IL13RA1: variants seen among roughly 807,000 people sequenced by gnomAD.
The protein encoded by IL13RA1 is interleukin-13 receptor subunit alpha-1.
Under a neutral mutation model 33.8 loss-of-function variants are expected in IL13RA1, and 14 were observed. That is an observed-to-expected ratio of 0.41 (90% CI 0.27 to 0.65). The LOEUF (loss-of-function observed/expected upper bound fraction) is 0.65, where lower values mean the gene tolerates loss of function less well. Among genes scored for constraint, IL13RA1 ranks in the 30% least tolerant of loss-of-function variants. The probability of loss-of-function intolerance (pLI) is 0.28; values close to 1 mark genes in which losing one functional copy is unlikely to be tolerated. For missense variants in IL13RA1, 313 were observed against 327.0 expected, an observed-to-expected ratio of 0.96 and a Z score of 0.33; for synonymous variants, 116 against 115.7, an observed-to-expected ratio of 1.00 and a Z score of -0.02.
chrX:118,796,879 C>T (rs112727959), downstream of IL13RA1, among the ~76,000 whole-genome samples: 285 of 112,594 alleles, frequency 2.5e-3, 2 homozygotes, highest in South Asian at 9.5e-3. Flanking sequence ...CATTTATCTA[C>T]GAGCTAGACA....
chrX:118,798,120 A>G (rs111436018), downstream of IL13RA1, among the ~76,000 whole-genome samples: 5,393 of 111,843 alleles, frequency 0.048, 308 homozygotes, highest in African/African-American at 0.16. Context: ...TTTCTTCTGT[A>G]GAAGATGAGG....
rs2017998490 is a variant in IL13RA1 at position 118,793,407 on chromosome X, C to A, written c.*1553C>A. On this transcript the variant is annotated 3_prime_UTR_variant, in exon 11 of 11. Transcript: ENST00000371666. ...AAGATGGGTCCAGGATTCCTCTTTT[C>A]TCTGCCATAAATGATTAATTAAATA... The A allele has an allele frequency of 8.9e-6, 1 of 112,059 alleles. No homozygotes were observed. Among genetic ancestry groups the A allele is most frequent in the Non-Finnish European group, 1.9e-5 (1 of 53,204 alleles). The allele number at this position is 112,059 out of a possible 1,213,427, so 9.2% of individuals were successfully genotyped here. A position where few individuals can be genotyped will look rare whatever the true frequency, so the allele number is the denominator to read the frequency against.
At chrX:118,794,831 A>G (rs1327152981), downstream of IL13RA1, among the ~76,000 whole-genome samples, 1 of 111,884 alleles carries the variant, frequency 8.9e-6, no homozygotes, top group Non-Finnish European at 1.9e-5. Context: ...CCTTTCTAAT[A>G]TTAAGCTAAA....
intron 1 of IL13RA1, among the ~76,000 whole-genome samples, chrX:118,736,330 TTG>T (rs946448994): frequency 7.2e-5 from 8 of 111,387 alleles, no homozygotes; most frequent in African/African-American, 2.3e-4. Flanking sequence ...CCTGGTTTTT[TTG>T]TTTTGTTTTG....
At chrX:118,766,606 GT>G in intron 7 of IL13RA1, 29 bp downstream of exon 7, 1 of 886,624 alleles carries the variant, frequency 1.1e-6, no homozygotes, top group East Asian at 3.1e-5. Flanking sequence ...AGCTATTTGG[GT>G]TTAGACTTAG....
At chrX:118,753,894 A>T (rs373815127) in intron 4 of IL13RA1, among the ~76,000 whole-genome samples, 21 of 112,902 alleles carry the variant, frequency 1.9e-4, no homozygotes, top group African/African-American at 6.4e-4. Flanking sequence ...TGTGCCATCC[A>T]GTATAGGAGC....
intron 10 of IL13RA1, among the ~76,000 whole-genome samples, chrX:118,784,086 A>ATATATATATAT (rs1569459346): frequency 5.6e-5 from 3 of 53,392 alleles, no homozygotes; most frequent in African/African-American, 2.9e-4. Context: ...CCAAAAAAAA[A>ATATATATATAT]AAAAATATAT....
At chrX:118,744,547 A>G (rs926623799) in intron 2 of IL13RA1, among the ~76,000 whole-genome samples, 4 of 111,149 alleles carry the variant, frequency 3.6e-5, no homozygotes, top group Admixed American at 2.9e-4. Flanking sequence ...CTACAGGTGC[A>G]TGCCACCACG....
At chrX:118,789,788 T>C (rs192746387) in intron 10 of IL13RA1, among the ~76,000 whole-genome samples, 2 of 111,350 alleles carry the variant, frequency 1.8e-5, no homozygotes, top group South Asian at 3.7e-4. Context: ...CTAGTACTTA[T>C]TTGATTTTTT....
chrX:118,775,269 T>G (rs1231991815), intron 9 of IL13RA1, among the ~76,000 whole-genome samples: 3 of 111,314 alleles, frequency 2.7e-5, no homozygotes, highest in African/African-American at 9.8e-5. Flanking sequence ...TTGGTTTGTT[T>G]GGCTGGAGTG....
chrX:118,749,959 A>G (rs1459414261), intron 4 of IL13RA1, among the ~76,000 whole-genome samples, 181 bp downstream of exon 4: 1 of 111,943 alleles, frequency 8.9e-6, no homozygotes. Context: ...TAAACTTTCT[A>G]TTTTTAAATA....
chrX:118,798,293 TTTG>T (rs2018042920), downstream of IL13RA1, among the ~76,000 whole-genome samples: 1 of 103,095 alleles, frequency 9.7e-6, no homozygotes, highest in South Asian at 4.5e-4. Context: ...ATTATATTTT[TTTG>T]TTTTTTTCCC....
At chrX:118,765,533 A>G (rs2017638346) in intron 6 of IL13RA1, among the ~76,000 whole-genome samples, 1 of 112,201 alleles carries the variant, frequency 8.9e-6, no homozygotes, top group Non-Finnish European at 1.9e-5. Context: ...CATTGTGTGA[A>G]TATACCATAC....
At chrX:118,767,084 GAA>G (rs2017657940) in intron 8 of IL13RA1, 108 bp downstream of exon 8, 1 of 403,108 alleles carries the variant, frequency 2.5e-6, no homozygotes, top group Non-Finnish European at 4.1e-6. Flanking sequence ...TTGATGTCAG[GAA>G]AAGAGTACTT....
chrX:118,773,380 A>G (rs2248507), intron 8 of IL13RA1, among the ~76,000 whole-genome samples: 18,562 of 110,836 alleles, frequency 0.17, 1,454 homozygotes, highest in East Asian at 0.43. Context: ...AGTCCCAGCT[A>G]CTCAGGAGGC....
At chrX:118,802,403 T>C in the IL13RA1 span, among the ~76,000 whole-genome samples, 22 of 112,476 alleles carry the variant, frequency 2.0e-4, no homozygotes, top group African/African-American at 5.8e-4. Flanking sequence ...TAAAGCTATG[T>C]GACATGGGCA....
the IL13RA1 span, among the ~76,000 whole-genome samples, chrX:118,800,741 AC>A: frequency 1.8e-5 from 2 of 111,246 alleles, no homozygotes; most frequent in African/African-American, 6.5e-5. Flanking sequence ...ATTAGCTCGG[AC>A]TATGGGCACA....
chrX:118,737,991 ATGG>A (rs2017300347), intron 1 of IL13RA1: 1 of 112,036 alleles, frequency 8.9e-6, no homozygotes, highest in South Asian at 3.7e-4. Context: ...TATCATTGAT[ATGG>A]TGTTAGAAAG....
intron 10 of IL13RA1, among the ~76,000 whole-genome samples, chrX:118,781,200 TA>T (rs11390176): frequency 1.9e-5 from 2 of 105,076 alleles, no homozygotes; most frequent in Non-Finnish European, 3.9e-5. Flanking sequence ...CTCTTATCCA[TA>T]AAAAAAAAAT....
Sources: gnomAD v4.1 joint callset for allele counts (sites outside exome capture counted in the v4.1 genomes callset) on GRCh38, gnomAD v4.1.1 for gene constraint, MANE v1.5 for transcripts, NCBI Gene and HGNC (gene_info 2026-07-23, HGNC 2026-07-21) for gene names.